The following MCPH1 variants were observed in gnomAD, a reference collection of about 807,000 sequenced individuals.
The protein encoded by MCPH1 is microcephalin.
A neutral mutation model predicts 84.5 loss-of-function variants in MCPH1; 104 were observed. The observed-to-expected ratio is 1.23, with a 90% CI of 1.05 to 1.45. The LOEUF (loss-of-function observed/expected upper bound fraction) is 1.45, where lower values mean the gene tolerates loss of function less well. MCPH1 is among the 40% of genes most tolerant of loss of function. MCPH1 has a pLI of 0.00. For synonymous variants in MCPH1, 514 were observed against 366.8 expected (o/e 1.40, Z -4.58); for missense variants, 1,498 against 1,005.7 (o/e 1.49, Z -6.62).
In MCPH1 at chr8:6,445,200, G is replaced by A. The variant is rs1272664308; in HGVS notation, c.1478G>A (p.Arg493His). ...SPRKTGNGEG[R>H]ATSSCVTSAP... ...CGGAAAACTGGAAATGGTGAAGGCC[G>A]TGCAACTTCGAGTTGCGTGACTTCT... The change falls in exon 8 of 14, where the codon CGT (arginine) becomes CAT (histidine). Residue 493 changes from arginine (R) to histidine (H), a missense_variant. Physicochemically the swap from Arg to His is conservative, Grantham distance 29. Transcript: ENST00000344683. 5.6e-6 allele frequency: 9 copies of A among 1,614,228 alleles called. No homozygotes were observed. The highest frequency in any genetic ancestry group is 2.2e-5 in the South Asian group (2 of 91,088).
Position 6,408,872 on chromosome 8 carries a change from A to G in MCPH1, c.23-407A>G, listed in dbSNP as rs547804808. Among the ~76,000 whole-genome samples, 5 of 142,496 alleles carry G rather than the reference A, an allele frequency of 3.5e-5. No homozygotes were observed. The South Asian group carries it at 9.6e-4, about 27-fold the overall frequency. The allele number at this position is 142,496 out of a possible 152,430, so 93.5% of individuals were successfully genotyped here. ...CCACCACACCTGGCCAGTAGAGTAA[A>G]TTTTTGTTTTACTTTTTTCTTTTTT... On this transcript the variant is annotated intron_variant, in intron 1 of 13. Coordinates refer to ENST00000344683, the MANE Select transcript of MCPH1 (RefSeq NM_024596.5).
chr8:6,453,624 C>T (rs553335916), intron 8 of MCPH1, among the ~76,000 whole-genome samples: 1 of 151,910 alleles, frequency 6.6e-6, no homozygotes, highest in African/African-American at 2.4e-5. Flanking sequence ...ACTGCTTTTC[C>T]GATTTTGACA....
intron 11 of MCPH1, among the ~76,000 whole-genome samples, chr8:6,495,546 T>C (rs979561573): frequency 1.3e-5 from 2 of 152,264 alleles, no homozygotes; most frequent in African/African-American, 4.8e-5. Flanking sequence ...AAAGGATCTA[T>C]AAAATCTGAT....
intron 12 of MCPH1, among the ~76,000 whole-genome samples, chr8:6,511,820 A>G (rs559086028): frequency 6.6e-6 from 1 of 152,310 alleles, no homozygotes; most frequent in South Asian, 2.1e-4. Context: ...ATATTTTTAT[A>G]ATGTCAGCGT....
chr8:6,538,947 G>A (rs1821002864), intron 12 of MCPH1, among the ~76,000 whole-genome samples: 1 of 152,188 alleles, frequency 6.6e-6, no homozygotes, highest in African/African-American at 2.4e-5. Context: ...CTGTCATGAG[G>A]AAACTCTGAA....
intron 12 of MCPH1, chr8:6,501,059 G>C (rs531391491): frequency 6.6e-6 from 1 of 152,164 alleles, no homozygotes; most frequent in Non-Finnish European, 1.5e-5. Context: ...CCATGATACC[G>C]TTGTTGAATT....
intron 6 of MCPH1, among the ~76,000 whole-genome samples, chr8:6,439,892 G>C (rs989494576): frequency 1.3e-5 from 2 of 152,148 alleles, no homozygotes; most frequent in Admixed American, 6.6e-5. Flanking sequence ...TCTTCTACCT[G>C]GGGGTAACCT....
At chr8:6,551,311 A>G (rs1823613280) in intron 12 of MCPH1, among the ~76,000 whole-genome samples, 1 of 152,204 alleles carries the variant, frequency 6.6e-6, no homozygotes, top group African/African-American at 2.4e-5. Flanking sequence ...GAAAGGAAGA[A>G]TAGTGTGCCA....
chr8:6,581,944 G>C (rs2922860), intron 12 of MCPH1, among the ~76,000 whole-genome samples: 1 of 151,906 alleles, frequency 6.6e-6, no homozygotes, highest in Admixed American at 6.6e-5. Context: ...AATCCCATTT[G>C]TGAGGATTTT....
intron 12 of MCPH1, among the ~76,000 whole-genome samples, chr8:6,516,475 C>T (rs2515429): frequency 0.06 from 9,198 of 152,182 alleles, 310 homozygotes; most frequent in African/African-American, 0.079. Context: ...CTGCCAAAAA[C>T]AGAGAAACCT....
At chr8:6,610,280 C>T (rs971650114) in intron 12 of MCPH1, among the ~76,000 whole-genome samples, 5 of 152,192 alleles carry the variant, frequency 3.3e-5, no homozygotes, top group Admixed American at 1.3e-4. Context: ...TTGGAAAACA[C>T]GAGCCACCTT....
At chr8:6,607,439 C>T (rs181486876) in intron 12 of MCPH1, among the ~76,000 whole-genome samples, 6 of 152,324 alleles carry the variant, frequency 3.9e-5, no homozygotes, top group Non-Finnish European at 7.4e-5. Context: ...GAAACACATA[C>T]TAAATATGTG....
At chr8:6,539,138 G>C (rs1821046793) in intron 12 of MCPH1, among the ~76,000 whole-genome samples, 1 of 152,218 alleles carries the variant, frequency 6.6e-6, no homozygotes, top group Non-Finnish European at 1.5e-5. Context: ...AGGGCTGGGA[G>C]ATGCGGATTT....
At chr8:6,499,030 TG>T (rs1301179930) in intron 11 of MCPH1, among the ~76,000 whole-genome samples, 1 of 151,596 alleles carries the variant, frequency 6.6e-6, no homozygotes, top group African/African-American at 2.4e-5. Flanking sequence ...CCAGCCTGGA[TG>T]ACAGAGTGAG....
intron 12 of MCPH1, among the ~76,000 whole-genome samples, chr8:6,580,817 C>G (rs13280127): frequency 0.013 from 1,964 of 152,186 alleles, 50 homozygotes; most frequent in African/African-American, 0.045. Flanking sequence ...CTTCTGCTTC[C>G]TATTCCTGTA....
chr8:6,508,803 G>C (rs1814321446), intron 12 of MCPH1: 2 of 1,289,216 alleles, frequency 1.6e-6, no homozygotes, highest in Non-Finnish European at 2.2e-6. Context: ...CCTATATCAA[G>C]CTAGTGTGTC....
chr8:6,542,443 C>T (rs1586510553), intron 12 of MCPH1, among the ~76,000 whole-genome samples: 1 of 151,966 alleles, frequency 6.6e-6, no homozygotes, highest in Non-Finnish European at 1.5e-5. Flanking sequence ...TGGCGGGAGG[C>T]TTTAGACCCT....
At chr8:6,442,429 C>G (rs1354350747) in intron 7 of MCPH1, among the ~76,000 whole-genome samples, 1 of 151,984 alleles carries the variant, frequency 6.6e-6, no homozygotes, top group African/African-American at 2.4e-5. Context: ...CGTATATGAA[C>G]TAATCTGTAT....
rs1161295110 is a variant in MCPH1 at position 6,647,557 on chromosome 8, C to T, written c.*4508C>T. 1 of 152,194 alleles carries T rather than the reference C, an allele frequency of 6.6e-6. No individual in the cohort carries two copies. Among genetic ancestry groups the T allele is most frequent in the African/African-American group, 2.4e-5 (1 of 41,446 alleles). The allele number at this position is 152,194 out of a possible 1,614,324, so 9.4% of individuals were successfully genotyped here. ...TAGATAAACAAAATGTATATCCACA[C>T]CATGGAACGCTACTCAGCAAACTTC... is the stretch of plus-strand genomic sequence containing the variant. On this transcript the variant is annotated 3_prime_UTR_variant, in exon 14 of 14. Coordinates refer to ENST00000344683, the MANE Select transcript of MCPH1 (RefSeq NM_024596.5).
Sources: gnomAD v4.1 joint callset for allele counts (sites outside exome capture counted in the v4.1 genomes callset) on GRCh38, gnomAD v4.1.1 for gene constraint, MANE v1.5 for transcripts, NCBI Gene and HGNC (gene_info 2026-07-23, HGNC 2026-07-21) for gene names.